The following UGT2A1 variants were observed in gnomAD, a reference collection of about 807,000 sequenced individuals.
The protein encoded by UGT2A1 is UDP glucuronosyltransferase family 2 member A1 complex locus.
Under a neutral mutation model 45.4 loss-of-function variants are expected in UGT2A1, and 61 were observed. The ratio of observed to expected loss-of-function variants is 1.34; its 90% CI spans 1.09 to 1.66. UGT2A1 has a LOEUF of 1.66. UGT2A1 is among the 40% of genes most tolerant of loss of function. The pLI is 0.00. For synonymous variants in UGT2A1, 229 were observed against 196.2 expected (o/e 1.17, Z -1.40); for missense variants, 649 against 574.3 (o/e 1.13, Z -1.33).
intron 3 of UGT2A1, among the ~76,000 whole-genome samples, chr4:69,633,069 A>T (rs1007195888): frequency 6.6e-6 from 1 of 152,106 alleles, no homozygotes; most frequent in Admixed American, 6.6e-5. Flanking sequence ...AAAAGTGAGT[A>T]AGAATGAAGA....
At chr4:69,606,672 A>C (rs1294286752) in intron 3 of UGT2A1, among the ~76,000 whole-genome samples, 1 of 136,474 alleles carries the variant, frequency 7.3e-6, no homozygotes, top group Non-Finnish European at 1.6e-5. Flanking sequence ...TCTAGAAAAC[A>C]CCATCGTCTC....
chr4:69,639,067 A>T, intron 2 of UGT2A1: 1 of 1,613,478 alleles, frequency 6.2e-7, no homozygotes, highest in Non-Finnish European at 8.5e-7. Context: ...ATTTTCCCAC[A>T]GTGTCTCTCC....
intron 3 of UGT2A1, among the ~76,000 whole-genome samples, chr4:69,600,809 T>TA (rs34446108): frequency 0.2 from 29,466 of 145,732 alleles, 3,461 homozygotes; most frequent in East Asian, 0.55. Flanking sequence ...GCTATACACT[T>TA]AAAAAAAAAA....
chr4:69,632,883 G>T (rs1195272273), intron 3 of UGT2A1, among the ~76,000 whole-genome samples: 1 of 141,416 alleles, frequency 7.1e-6, no homozygotes. Context: ...GCAAGACTCG[G>T]TCAAAAAAAA....
At position 69,589,642 on chromosome 4, in the gene UGT2A1, CTCTTTA is replaced by C. The variant is rs1718477382; in HGVS notation, c.1308_1313del (p.Tyr436_Glu438delinsTer). 8 of 1,601,642 alleles carry C rather than the reference CTCTTTA, an allele frequency of 5.0e-6. No individual in the cohort carries two copies. The East Asian group carries it at 1.8e-4, about 36-fold the overall frequency. ...GAATTCTTGATAACCTCATAGCATTCTCTTTATAACTAGAAGACAAATAAATAGGCA... is the reference window on the plus strand; with the variant it reads ...GAATTCTTGATAACCTCATAGCATTCTAACTAGAAGACAAATAAATAGGCA... On this transcript the variant is annotated stop_gained and inframe_deletion, in exon 7 of 7. Transcript: ENST00000286604. LOFTEE classifies it high-confidence loss of function.
intron 3 of UGT2A1, among the ~76,000 whole-genome samples, chr4:69,632,885 CAA>C (rs199639033): frequency 3.6e-3 from 316 of 87,392 alleles, no homozygotes; most frequent in African/African-American, 0.01. Flanking sequence ...AAGACTCGGT[CAA>C]AAAAAAAAAA....
chr4:69,590,594 A>G (rs890822452), intron 6 of UGT2A1, among the ~76,000 whole-genome samples: 1 of 151,996 alleles, frequency 6.6e-6, no homozygotes, highest in African/African-American at 2.4e-5. Context: ...ACAAGAGAAC[A>G]TGGTACAACT....
chr4:69,639,093 G>A (rs753654274), intron 2 of UGT2A1: 5 of 1,613,362 alleles, frequency 3.1e-6, no homozygotes, highest in Non-Finnish European at 3.4e-6. Context: ...TGATGCTGGA[G>A]AGAACCTCAA....
At chr4:69,599,190 G>A (rs554218464) in intron 4 of UGT2A1, 56 bp downstream of exon 4, 35 of 1,530,312 alleles carry the variant, frequency 2.3e-5, no homozygotes, top group Non-Finnish European at 2.9e-5. Context: ...AACTTTAAAA[G>A]AAAATTAAGT....
At chr4:69,617,342 G>A (rs936646698) in intron 3 of UGT2A1, among the ~76,000 whole-genome samples, 7 of 151,792 alleles carry the variant, frequency 4.6e-5, no homozygotes, top group Non-Finnish European at 1.0e-4. Context: ...AAATTATTAG[G>A]AGTTTAATAA....
chr4:69,639,642 C>A (rs1319199656), intron 2 of UGT2A1: 1 of 1,561,856 alleles, frequency 6.4e-7, no homozygotes, highest in East Asian at 2.2e-5. Context: ...GGAAACCATC[C>A]TACTGTAGAT....
chr4:69,639,273 A>C (rs1173312071), intron 2 of UGT2A1: 2 of 1,613,680 alleles, frequency 1.2e-6, no homozygotes, highest in South Asian at 2.2e-5. Context: ...AGTGTCTAGA[A>C]GTTTTCCTAG....
intron 2 of UGT2A1, among the ~76,000 whole-genome samples, chr4:69,645,190 A>G (rs1437062019): frequency 4.0e-5 from 6 of 151,736 alleles, no homozygotes; most frequent in Non-Finnish European, 7.4e-5. Context: ...TAATGTGTCA[A>G]TGTTAATAAC....
intron 3 of UGT2A1, among the ~76,000 whole-genome samples, chr4:69,617,145 G>C (rs1720451814): frequency 2.0e-5 from 3 of 151,884 alleles, no homozygotes; most frequent in Admixed American, 2.0e-4. Context: ...AATAAACTAT[G>C]TGTAAAAGCA....
At chr4:69,615,954 C>T (rs537737892) in intron 3 of UGT2A1, among the ~76,000 whole-genome samples, 2 of 152,148 alleles carry the variant, frequency 1.3e-5, no homozygotes, top group South Asian at 4.1e-4. Context: ...AATATCTGTA[C>T]ACCCATGTTT....
In UGT2A1 at chr4:69,589,589, T is replaced by C. The variant is rs767812077; in HGVS notation, c.1367A>G (p.Asp456Gly). 6.2e-7 allele frequency: 1 copy of C among 1,613,996 alleles called. No homozygotes were observed. Among genetic ancestry groups the C allele is most frequent in the East Asian group, 2.2e-5 (1 of 44,874 alleles). ...IHHDQPVKPL[D>G]RAVFWIEFVM... The stretch of plus-strand genomic sequence containing the variant: ...AAACTCGATCCAGAAGACTGCTCGA[T>C]CCAGGGGCTTTACAGGTTGATCATG... The change falls in exon 7 of 7, where the codon GAT becomes GGT. Residue 456 changes from aspartate to glycine, a missense_variant. By Grantham distance (94) the Asp-to-Gly change is moderately conservative. Coordinates refer to ENST00000286604, the MANE Select transcript of UGT2A1 (RefSeq NM_001252275.3).
Position 69,599,261 on chromosome 4 carries a change from G to T in UGT2A1, c.981C>A (p.Ala327=). Residue 327 remains alanine (A), a synonymous_variant, in exon 4 of 7, where the codon GCC becomes GCA. Coordinates refer to ENST00000286604, the MANE Select transcript of UGT2A1 (RefSeq NM_001252275.3). ...EFVGGLHCKP[A]KPLPKVLWRY... is the part of the protein sequence containing the mutation. ...GTAGACCTACCTTAGGTAAAGGTTT[G>T]GCAGGTTTGCAGTGCAATCCTCCAA... 1 of 1,613,464 alleles carries T rather than the reference G, an allele frequency of 6.2e-7. No individual in the cohort carries two copies. The highest frequency in any genetic ancestry group is 8.5e-7 in the Non-Finnish European group (1 of 1,179,786).
At chr4:69,596,628 T>A (rs749749632) in intron 4 of UGT2A1, among the ~76,000 whole-genome samples, 1 of 152,146 alleles carries the variant, frequency 6.6e-6, no homozygotes, top group Non-Finnish European at 1.5e-5. Context: ...TTCAAGTGAT[T>A]CTCACACCTC....
rs770318969 is a variant in UGT2A1, at chr4:69,596,427, G to GA, written c.997-1179dup. 9.1e-6 allele frequency: 13 copies of GA among 1,426,580 alleles called. No individual in the cohort carries two copies. The African/African-American group carries it at 1.5e-4, about 16-fold the overall frequency. The allele number at this position is 1,426,580 out of a possible 1,614,324, so 88.4% of individuals were successfully genotyped here. ...CTATTACAAAGGTGTAGCATCATAA[G>GA]AAAAAATAAGTTTACTTACACATTT... On this transcript the variant is annotated intron_variant, in intron 4 of 6. Transcript: ENST00000286604.
Sources: gnomAD v4.1 joint callset for allele counts (sites outside exome capture counted in the v4.1 genomes callset) on GRCh38, gnomAD v4.1.1 for gene constraint, MANE v1.5 for transcripts, NCBI Gene and HGNC (gene_info 2026-07-23, HGNC 2026-07-21) for gene names.